PUDP: variants seen among roughly 807,000 people sequenced by gnomAD.
PUDP encodes the protein pseudouridine-5'-phosphatase.
Under a neutral mutation model 9.4 loss-of-function variants are expected in PUDP, and 8 were observed. The ratio of observed to expected loss-of-function variants is 0.85; its 90% CI spans 0.50 to 1.53. PUDP has a LOEUF of 1.53. PUDP is among the 40% of genes most tolerant of loss of function. PUDP has a pLI of 0.00. For missense variants in PUDP, 188 were observed against 189.7 expected (o/e 0.99, Z 0.05); for synonymous variants, 99 against 80.7 (o/e 1.23, Z -1.22).
At chrX:6,826,325 T>C (rs1386120398) in intron 3 of PUDP, among the ~76,000 whole-genome samples, 1 of 112,185 alleles carries the variant, frequency 8.9e-6, no homozygotes, top group Non-Finnish European at 1.9e-5. Flanking sequence ...GCCACATTTA[T>C]TTTTTAACTT....
At chrX:6,896,873 T>C (rs961375709) in intron 3 of PUDP, among the ~76,000 whole-genome samples, 1 of 111,314 alleles carries the variant, frequency 9.0e-6, no homozygotes, top group Non-Finnish European at 1.9e-5. Flanking sequence ...TGGGGTTTGT[T>C]TGTTTGTTTT....
rs1004350658 is a variant in PUDP, at chrX:7,018,567, G to C, written c.205-40224C>G. On this transcript the variant is annotated intron_variant and NMD_transcript_variant, in intron 1 of 3. Coordinates refer to the PUDP transcript ENST00000655425. Reference sequence around the variant, plus strand: ...ATTCATTGTTTACAGATCAGGCCATGTGTTTTTCATTTCTGCAATGGCGAT... The same window carrying C: ...ATTCATTGTTTACAGATCAGGCCATCTGTTTTTCATTTCTGCAATGGCGAT... Among the ~76,000 whole-genome samples, 6 of 112,618 alleles carry C rather than the reference G, an allele frequency of 5.3e-5. No homozygotes were observed. The East Asian group carries it at 1.4e-3, about 26-fold the overall frequency.
intron 3 of PUDP, among the ~76,000 whole-genome samples, chrX:6,844,159 G>A (rs1926710571): frequency 8.9e-6 from 1 of 112,461 alleles, no homozygotes. Context: ...TCTCTCTGAT[G>A]AATCCACCTT....
At chrX:6,772,134 T>C (rs1429626391) in intron 3 of PUDP, among the ~76,000 whole-genome samples, 3 of 112,401 alleles carry the variant, frequency 2.7e-5, no homozygotes, top group Non-Finnish European at 3.8e-5. Flanking sequence ...ACAGTGCACA[T>C]CACTCCTCTT....
intron 1 of PUDP, among the ~76,000 whole-genome samples, chrX:7,146,077 C>A (rs1167784285): frequency 9.0e-6 from 1 of 110,851 alleles, no homozygotes; most frequent in African/African-American, 3.3e-5. Context: ...TTTTGCAAGG[C>A]CTTACCACCT....
chrX:7,089,123 G>C (rs1413643601), intron 2 of PUDP, among the ~76,000 whole-genome samples: 2 of 111,405 alleles, frequency 1.8e-5, no homozygotes. Flanking sequence ...AAGAGTGGGG[G>C]CTGAGCCGCC....
At chrX:7,070,582 CTT>C (rs775715448) in intron 3 of PUDP, among the ~76,000 whole-genome samples, 2 of 105,007 alleles carry the variant, frequency 1.9e-5, no homozygotes, top group East Asian at 3.0e-4. Context: ...CAAATATTAA[CTT>C]TTTTTTTTTT....
intron 3 of PUDP, among the ~76,000 whole-genome samples, chrX:6,903,320 C>T (rs900383889): frequency 5.4e-5 from 6 of 111,620 alleles, no homozygotes; most frequent in Non-Finnish European, 1.1e-4. Context: ...ACTCTTTTTT[C>T]ACTGAATCAG....
At chrX:6,884,026 G>C (rs773394864) in intron 3 of PUDP, among the ~76,000 whole-genome samples, 5 of 111,078 alleles carry the variant, frequency 4.5e-5, no homozygotes, top group African/African-American at 1.3e-4. Flanking sequence ...ATTTTTAGTA[G>C]AGACGGGGTT....
intron 1 of PUDP, among the ~76,000 whole-genome samples, chrX:7,009,319 G>T (rs1929445382): frequency 8.9e-6 from 1 of 112,271 alleles, no homozygotes; most frequent in South Asian, 3.7e-4. Context: ...TTTTAGGAAA[G>T]TAGGGAAGCA....
chrX:6,728,428 A>G (rs1427551800), intron 3 of PUDP, among the ~76,000 whole-genome samples: 1 of 111,708 alleles, frequency 9.0e-6, no homozygotes, highest in African/African-American at 3.3e-5. Context: ...TAACATAGGA[A>G]GCAATCACAT....
chrX:6,749,439 G>A (rs1356584242), intron 3 of PUDP, among the ~76,000 whole-genome samples: 3 of 111,298 alleles, frequency 2.7e-5, no homozygotes, highest in Admixed American at 1.9e-4. Flanking sequence ...AGGGAAAGGA[G>A]GTGGCCGTTG....
intron 1 of PUDP, among the ~76,000 whole-genome samples, chrX:6,986,366 C>T (rs779058057): frequency 9.0e-6 from 1 of 111,680 alleles, no homozygotes; most frequent in African/African-American, 3.3e-5. Flanking sequence ...CCGCCCTCAG[C>T]GGGACCTTTC....
At chrX:6,902,445 C>T (rs1453838145) in intron 3 of PUDP, among the ~76,000 whole-genome samples, 2 of 111,931 alleles carry the variant, frequency 1.8e-5, no homozygotes, top group Admixed American at 9.5e-5. Context: ...TAACCAAATG[C>T]GTGTCCAATT....
At chrX:6,853,203 T>C (rs7883256) in intron 3 of PUDP, among the ~76,000 whole-genome samples, 2 of 110,617 alleles carry the variant, frequency 1.8e-5, no homozygotes, top group African/African-American at 6.6e-5. Context: ...CAAGTTCCCT[T>C]ATCTATGTCT....
chrX:6,868,613 G>A lies in PUDP; in HGVS notation c.*247+108520C>T, dbSNP rs1343047844. On this transcript the variant is annotated intron_variant and NMD_transcript_variant, in intron 3 of 3. Transcript: ENST00000655425. ...CCACTTTGTGTCTCTCTATACAAAT[G>A]TCTTTTCTTAAGCTTCTAGAAAGTC... 2.7e-5 allele frequency among the ~76,000 whole-genome samples: 3 copies of A among 112,298 alleles called. No individual in the cohort carries two copies. In the South Asian group the frequency reaches 1.1e-3, roughly 42 times the overall value.
intron 3 of PUDP, among the ~76,000 whole-genome samples, chrX:6,969,113 T>C (rs1200263729): frequency 1.8e-5 from 2 of 112,604 alleles, no homozygotes; most frequent in Non-Finnish European, 3.8e-5. Context: ...CTCTAAACCA[T>C]CTGTGAAAAG....
intron 3 of PUDP, among the ~76,000 whole-genome samples, chrX:6,867,801 G>C (rs755063739): frequency 2.7e-5 from 3 of 111,579 alleles, no homozygotes; most frequent in South Asian, 3.8e-4. Flanking sequence ...AAACAGAAAT[G>C]CATTTGGCTT....
At chrX:6,999,566 C>T (rs983878389) in intron 1 of PUDP, among the ~76,000 whole-genome samples, 1 of 111,376 alleles carries the variant, frequency 9.0e-6, no homozygotes, top group Non-Finnish European at 1.9e-5. Flanking sequence ...ATAGACGTCA[C>T]ATTTTTTCCC....
Sources: allele counts gnomAD v4.1 joint callset (sites outside exome capture counted in the v4.1 genomes callset), GRCh38; gene constraint gnomAD v4.1.1; transcripts MANE v1.5; gene names NCBI Gene and HGNC (gene_info 2026-07-23, HGNC 2026-07-21).